TG: variants seen among roughly 807,000 people sequenced by gnomAD.
The protein encoded by TG is thyroid hormones.
Under a neutral mutation model 324.7 loss-of-function variants are expected in TG, and 270 were observed. That is an observed-to-expected ratio of 0.83 (90% CI 0.75 to 0.92). The LOEUF (loss-of-function observed/expected upper bound fraction) is 0.92. Among genes scored for constraint, TG ranks in the 40% least tolerant of loss-of-function variants. The pLI is 0.00. For synonymous variants in TG, 1,401 were observed against 1,327.0 expected (o/e 1.06, Z -1.21); for missense variants, 3,591 against 3,456.4 (o/e 1.04, Z -0.98).
intron 35 of TG, among the ~76,000 whole-genome samples, chr8:132,992,707 G>A (rs1422210747): frequency 6.6e-6 from 1 of 152,130 alleles, no homozygotes; most frequent in Non-Finnish European, 1.5e-5. Flanking sequence ...TGTCAGTCCT[G>A]TTCTGGGAAA....
intron 27 of TG, among the ~76,000 whole-genome samples, chr8:132,949,217 G>A (rs752061244): frequency 6.6e-5 from 10 of 152,228 alleles, no homozygotes; most frequent in Non-Finnish European, 1.0e-4. Flanking sequence ...CTTGGGGTTA[G>A]CTGGCAATTG....
intron 41 of TG, chr8:133,050,029 A>T: frequency 7.8e-7 from 1 of 1,284,594 alleles, no homozygotes; most frequent in African/African-American, 1.5e-5. Flanking sequence ...AGATAGGTAA[A>T]TAGCAAAACC....
chr8:133,082,082 A>G (rs970474579), intron 41 of TG, among the ~76,000 whole-genome samples: 3 of 152,212 alleles, frequency 2.0e-5, no homozygotes, highest in African/African-American at 4.8e-5. Flanking sequence ...AAGGACACAG[A>G]CAAAAGACAA....
chr8:133,030,391 G>A (rs1259689450), intron 41 of TG, among the ~76,000 whole-genome samples: 2 of 152,198 alleles, frequency 1.3e-5, no homozygotes, highest in Admixed American at 6.5e-5. Context: ...TGCCGGCTAC[G>A]TGAGGCTGAT....
chr8:133,003,363 G>T (rs1368201314), intron 35 of TG: 1 of 150,638 alleles, frequency 6.6e-6, no homozygotes, highest in East Asian at 1.9e-4. Context: ...GAATCATTGT[G>T]GAATGCTTAA....
chr8:132,909,622 G>A (rs892559403), intron 18 of TG, among the ~76,000 whole-genome samples: 2 of 152,156 alleles, frequency 1.3e-5, no homozygotes, highest in Non-Finnish European at 2.9e-5. Flanking sequence ...ATGATACATA[G>A]ACTTTCAAGT....
intron 43 of TG, among the ~76,000 whole-genome samples, chr8:133,112,360 G>A (rs758120528): frequency 1.3e-5 from 2 of 152,176 alleles, no homozygotes; most frequent in Non-Finnish European, 2.9e-5. Context: ...ACTGTGCTGG[G>A]GCCCAGGAGG....
intron 43 of TG, among the ~76,000 whole-genome samples, chr8:133,109,147 T>C (rs1349409599): frequency 6.6e-6 from 1 of 152,200 alleles, no homozygotes; most frequent in African/African-American, 2.4e-5. Context: ...ATCTGTCCTG[T>C]TTCCTGGAGG....
In TG at chr8:133,012,709, T is replaced by A. The variant is rs78133883; in HGVS notation, c.6397+674T>A. Among the ~76,000 whole-genome samples the A allele has an allele frequency of 9.0e-3, 1,368 of 152,350 alleles. 23 individuals carry two copies. Among genetic ancestry groups the A allele is most frequent in the African/African-American group, 0.031 (1,295 of 41,574 alleles). Reference sequence around the variant, plus strand: ...TTCTCTGCAAGGTTGGATAATAATATGCACAAAGCTATGCATATCTTGCAG... The same window carrying A: ...TTCTCTGCAAGGTTGGATAATAATAAGCACAAAGCTATGCATATCTTGCAG... On this transcript the variant is annotated intron_variant, in intron 36 of 47. Coordinates refer to ENST00000220616, the MANE Select transcript of TG (RefSeq NM_003235.5).
At chr8:132,936,410 T>G (rs2129771764) in intron 25 of TG, among the ~76,000 whole-genome samples, 1 of 152,302 alleles carries the variant, frequency 6.6e-6, no homozygotes, top group East Asian at 1.9e-4. Flanking sequence ...CCCTGTAAGG[T>G]GCAAACCTGA....
intron 41 of TG, among the ~76,000 whole-genome samples, chr8:133,085,318 C>G (rs570745011): frequency 6.6e-6 from 1 of 152,234 alleles, no homozygotes; most frequent in Non-Finnish European, 1.5e-5. Context: ...GATAAGACAC[C>G]AAACCTCAGG....
At chr8:133,033,124 G>T (rs1836784354) in intron 41 of TG, among the ~76,000 whole-genome samples, 1 of 152,108 alleles carries the variant, frequency 6.6e-6, no homozygotes, top group Non-Finnish European at 1.5e-5. Context: ...TGAAGATCCT[G>T]GTCTTGGAGA....
chr8:132,900,237 A>T lies in TG; in HGVS notation c.3331A>T (p.Thr1111Ser), dbSNP rs1326734092. Residue 1111 changes from threonine to serine, a missense_variant and splice_region_variant, in exon 15 of 48, where the codon ACA (threonine) becomes TCA (serine). Transcript: ENST00000220616. ...TGACATGACCCCGGCTTTGTCTCAG[A>T]CAGGAGAGTATGCCAGGCTGCAGGC... ...KDLFVPACLE[T>S]GEYARLQASG... 4 of 1,613,796 alleles carry T rather than the reference A, an allele frequency of 2.5e-6. No homozygotes were observed.
rs1563946839 is a variant in TG, at chr8:132,913,180, C to T, written c.4293C>T (p.Gly1431=). 3 of 1,614,164 alleles carry T rather than the reference C, an allele frequency of 1.9e-6. No individual in the cohort carries two copies. Among genetic ancestry groups the T allele is most frequent in the Non-Finnish European group, 2.5e-6 (3 of 1,180,018 alleles). Residue 1431 remains glycine (G), a synonymous_variant, in exon 20 of 48, where the codon GGC becomes GGT. Transcript: ENST00000220616. ...TIRFLQGDHF[G]TSPRTWFGCS... ...GCTTCCTCCAAGGGGACCACTTTGG[C>T]ACCTCTCCCAGGACATGGTTTGGGT...
intron 35 of TG, among the ~76,000 whole-genome samples, chr8:133,004,158 C>A (rs751179801): frequency 6.7e-6 from 1 of 148,980 alleles, no homozygotes; most frequent in South Asian, 2.1e-4. Flanking sequence ...AGGGGCAAGG[C>A]CTCTTACTTC....
intron 43 of TG, among the ~76,000 whole-genome samples, chr8:133,108,609 T>C (rs561533255): frequency 1.2e-3 from 188 of 152,294 alleles, no homozygotes; most frequent in African/African-American, 4.3e-3. Context: ...AGCTAAGAAG[T>C]CGCACAGTTA....
At chr8:132,893,547 G>A in intron 10 of TG, 143 bp from the exon 11 acceptor site, 2 of 1,048,706 alleles carry the variant, frequency 1.9e-6, no homozygotes, top group Admixed American at 2.1e-5. Context: ...GTGGTGTAGG[G>A]GGGTGGTGTG....
At chr8:132,888,720 C>G (rs1815795342) in intron 10 of TG, 152 bp downstream of exon 10, 1 of 830,714 alleles carries the variant, frequency 1.2e-6, no homozygotes, top group Non-Finnish European at 1.8e-6. Context: ...CGAAGGCTCA[C>G]AGAGGGGAAG....
intron 17 of TG, 101 bp from the exon 18 acceptor site, chr8:132,908,085 G>T: frequency 7.3e-7 from 1 of 1,379,240 alleles, no homozygotes; most frequent in Non-Finnish European, 1.0e-6. Context: ...TATGTGTTTT[G>T]AGCTCAATGA....
Sources: gnomAD v4.1 joint callset for allele counts (sites outside exome capture counted in the v4.1 genomes callset) on GRCh38, gnomAD v4.1.1 for gene constraint, MANE v1.5 for transcripts, NCBI Gene and HGNC (gene_info 2026-07-23, HGNC 2026-07-21) for gene names.